Variants in VPS13D observed in about 807,000 individuals in gnomAD.
The protein encoded by VPS13D is intermembrane lipid transfer protein VPS13D.
VPS13D carries 187 observed loss-of-function variants against 461.9 expected under a neutral mutation model. The observed-to-expected ratio is 0.40, with a 90% CI of 0.36 to 0.46. The LOEUF (loss-of-function observed/expected upper bound fraction) is 0.46, where lower values mean the gene tolerates loss of function less well. VPS13D is among the 20% of genes least tolerant of loss of function. The pLI, the probability that VPS13D is intolerant of heterozygous loss-of-function variation, is 0.60. For synonymous variants in VPS13D, 1,951 were observed against 1,986.3 expected (o/e 0.98, Z 0.47); for missense variants, 4,711 against 5,364.9 (o/e 0.88, Z 3.81).
chr1:12,282,610 T>C lies in VPS13D; in HGVS notation c.4603-95T>C, dbSNP rs578196178. 7 of 1,204,978 alleles carry C rather than the reference T, an allele frequency of 5.8e-6. No individual in the cohort carries two copies. The South Asian group carries it at 5.8e-5, about 10-fold the overall frequency. 74.6% of individuals were successfully genotyped at this position (1,204,978 alleles called of 1,614,324 possible). ...TGCTATCAGGTAACTTACAGCCTCA[T>C]GTAGGAATCATGTGGCAACTGTAGA... On this transcript the variant is annotated intron_variant, in intron 20 of 69. Transcript: ENST00000620676.
intron 18 of VPS13D, among the ~76,000 whole-genome samples, chr1:12,273,816 G>A (rs1641527324): frequency 6.6e-6 from 1 of 152,080 alleles, no homozygotes; most frequent in South Asian, 2.1e-4. Context: ...GGCCATTTGA[G>A]TTGCTTCCAC....
chr1:12,325,088 T>C (rs1053231076), intron 35 of VPS13D, among the ~76,000 whole-genome samples: 2 of 152,100 alleles, frequency 1.3e-5, no homozygotes, highest in African/African-American at 2.4e-5. Flanking sequence ...ATCTTTTTTT[T>C]CCCCCTTTTT....
At chr1:12,381,929 T>TC (rs1553185989) in intron 57 of VPS13D, among the ~76,000 whole-genome samples, 104 of 86,976 alleles carry the variant, frequency 1.2e-3, no homozygotes, top group South Asian at 1.6e-3. Context: ...TTCTTTTCTT[T>TC]CTTTCTTTCT....
intron 67 of VPS13D, among the ~76,000 whole-genome samples, chr1:12,471,688 T>TTA (rs1405268863): frequency 6.6e-6 from 1 of 152,240 alleles, no homozygotes; most frequent in East Asian, 1.9e-4. Flanking sequence ...CATTTTTACG[T>TTA]TATTATGACT....
At chr1:12,278,106 C>A (rs1029173797) in intron 19 of VPS13D, 68 bp downstream of exon 19, 3 of 1,438,348 alleles carry the variant, frequency 2.1e-6, no homozygotes, top group Non-Finnish European at 2.8e-6. Context: ...GAGTCCTTTG[C>A]GTAAAACAGC....
chr1:12,335,347 G>A (rs995714089), intron 38 of VPS13D, among the ~76,000 whole-genome samples: 6 of 152,174 alleles, frequency 3.9e-5, no homozygotes, highest in Non-Finnish European at 5.9e-5. Flanking sequence ...GATTACAGGC[G>A]TGAGCCACCG....
At chr1:12,339,834 A>G (rs1643529374) in intron 40 of VPS13D, among the ~76,000 whole-genome samples, 1 of 152,244 alleles carries the variant, frequency 6.6e-6, no homozygotes, top group African/African-American at 2.4e-5. Context: ...TTAACTCCAA[A>G]GCAGTATACT....
intron 39 of VPS13D, chr1:12,336,482 A>G (rs781538649): frequency 1.3e-5 from 2 of 152,214 alleles, no homozygotes; most frequent in Non-Finnish European, 2.9e-5. Context: ...TCCACAAGCC[A>G]TTGTCATCCA....
At chr1:12,344,712 C>G (rs988337634) in intron 42 of VPS13D, among the ~76,000 whole-genome samples, 6 of 152,182 alleles carry the variant, frequency 3.9e-5, no homozygotes, top group Non-Finnish European at 7.3e-5. Flanking sequence ...CTGCACCCCA[C>G]TCCTTGCCTC....
chr1:12,308,506 C>T lies in VPS13D; in HGVS notation c.6515C>T (p.Pro2172Leu), dbSNP rs1051244524. Residue 2172 changes from proline to leucine, a missense_variant, in exon 27 of 70, where the codon CCG becomes CTG. Around this residue, in one of 3 missense-constraint regions of VPS13D, gnomAD observed 4,411 missense variants for 4,937.8 expected, o/e 0.89. Transcript: ENST00000620676. ...DMDIFAAERHPREYSKAPEDS... is the reference protein window; with the variant it reads ...DMDIFAAERHLREYSKAPEDS... ...GACATCTTTGCTGCAGAGAGACATC[C>T]GAGAGAATACTCGAAGGCACCAGAG... 6.8e-6 allele frequency: 11 copies of T among 1,613,948 alleles called. No homozygotes were observed. The highest frequency in any genetic ancestry group is 3.3e-5 in the Admixed American group (2 of 59,974).
intron 26 of VPS13D, among the ~76,000 whole-genome samples, chr1:12,307,306 AG>A (rs1642594522): frequency 1.3e-5 from 2 of 152,126 alleles, no homozygotes; most frequent in Non-Finnish European, 2.9e-5. Flanking sequence ...AATTTAGATG[AG>A]AGGGGCGGGC....
intron 13 of VPS13D, among the ~76,000 whole-genome samples, chr1:12,265,297 C>G (rs1483770049): frequency 6.6e-6 from 1 of 152,090 alleles, no homozygotes; most frequent in Non-Finnish European, 1.5e-5. Context: ...TTGTTTGTTT[C>G]TTTAATTAAT....
At chr1:12,346,693 T>C (rs1438104590) in intron 44 of VPS13D, 41 bp downstream of exon 44, 9 of 1,557,256 alleles carry the variant, frequency 5.8e-6, no homozygotes, top group Non-Finnish European at 7.0e-6. Context: ...TTATTGCGTA[T>C]ATACACTGCA....
intron 41 of VPS13D, 163 bp from the exon 42 acceptor site, chr1:12,342,736 C>A: frequency 3.0e-6 from 2 of 677,276 alleles, no homozygotes; most frequent in Non-Finnish European, 4.5e-6. Context: ...ACGAAGATAG[C>A]TATAGTTAGC....
At chr1:12,413,720 C>G (rs1644760556) in intron 63 of VPS13D, among the ~76,000 whole-genome samples, 1 of 152,094 alleles carries the variant, frequency 6.6e-6, no homozygotes, top group African/African-American at 2.4e-5. Flanking sequence ...GATCCTCCCA[C>G]CTCAGCTTCC....
At chr1:12,439,455 C>G (rs1352443838) in intron 65 of VPS13D, among the ~76,000 whole-genome samples, 1 of 151,462 alleles carries the variant, frequency 6.6e-6, no homozygotes, top group Middle Eastern at 3.5e-3. Flanking sequence ...AATTGCAGCC[C>G]CCTCCAGCTA....
chr1:12,376,439 A>G (rs1317666415), intron 55 of VPS13D, among the ~76,000 whole-genome samples: 1 of 152,272 alleles, frequency 6.6e-6, no homozygotes, highest in Non-Finnish European at 1.5e-5. Flanking sequence ...TGTAATGATA[A>G]TAACACAACA....
intron 29 of VPS13D, among the ~76,000 whole-genome samples, chr1:12,313,304 T>C (rs1252861159): frequency 7.1e-6 from 1 of 141,444 alleles, no homozygotes; most frequent in Admixed American, 6.9e-5. Flanking sequence ...CTTTCCTTTT[T>C]TTTTTTTTTT....
At chr1:12,341,654 C>A in intron 40 of VPS13D, 126 bp from the exon 41 acceptor site, 1 of 775,736 alleles carries the variant, frequency 1.3e-6, no homozygotes, top group Non-Finnish European at 2.1e-6. Context: ...CCTGTTCCTT[C>A]TTTCTTGCTT....
Sources: allele counts gnomAD v4.1 joint callset (sites outside exome capture counted in the v4.1 genomes callset), GRCh38; gene constraint gnomAD v4.1.1; regional missense constraint gnomAD v4.1.1; transcripts MANE v1.5; gene names NCBI Gene and HGNC (gene_info 2026-07-23, HGNC 2026-07-21).